OPTC: variants seen among roughly 807,000 people sequenced by gnomAD.
OPTC encodes oculoglycan.
A neutral mutation model predicts 25.4 loss-of-function variants in OPTC; 22 were observed. The ratio of observed to expected loss-of-function variants is 0.87; its 90% CI spans 0.62 to 1.24. OPTC has a LOEUF of 1.24. Ranked by LOEUF, OPTC falls within the 50% of genes most tolerant of loss-of-function variation. OPTC has a pLI of 0.00. For missense variants in OPTC, 417 were observed against 425.2 expected (o/e 0.98, Z 0.17); for synonymous variants, 169 against 179.3 (o/e 0.94, Z 0.46).
intron 7 of OPTC, among the ~76,000 whole-genome samples, chr1:203,506,075 T>C (rs1204070794): frequency 6.6e-6 from 1 of 152,020 alleles, no homozygotes; most frequent in Non-Finnish European, 1.5e-5. Context: ...TGACAAGGCC[T>C]AGGCATGCAA....
In OPTC at chr1:203,499,673, C is replaced by T. The variant is rs747136622; in HGVS notation, c.554C>T (p.Ser185Phe). ...GLTKLKRIDLSNNLISSIDND... is the reference protein window; with the variant it reads ...GLTKLKRIDLFNNLISSIDND... ...GCAAAGTTGAAGAGGATTGACCTCT[C>T]CAACAACCTCATTTCCTCCATCGAT... Residue 185 changes from serine to phenylalanine, a missense_variant, in exon 5 of 8, where the codon TCC becomes TTC. Ser to Phe is a radical substitution (Grantham distance 155). Transcript: ENST00000367222. 24 of 1,613,488 alleles carry T rather than the reference C, an allele frequency of 1.5e-5. No homozygotes were observed. The highest frequency in any genetic ancestry group is 2.2e-5 in the South Asian group (2 of 91,068).
At chr1:203,499,929 C>G in intron 5 of OPTC, 78 bp downstream of exon 5, 1 of 1,186,056 alleles carries the variant, frequency 8.4e-7, no homozygotes, top group East Asian at 2.3e-5. Flanking sequence ...CCACCTACCT[C>G]CACCACTCAC....
In OPTC at chr1:203,497,011, T is replaced by C. The variant is rs756225137; in HGVS notation, c.266T>C (p.Ile89Thr). Residue 89 changes from isoleucine (I) to threonine (T), a missense_variant, in exon 3 of 8, where the codon ATC becomes ACC. Physicochemically the swap from Ile to Thr is moderately conservative, Grantham distance 89. Transcript: ENST00000367222. ...KVTSLAPATSISPAKSTTAPG... is the reference protein window; with the variant it reads ...KVTSLAPATSTSPAKSTTAPG... ...ACTAGCCTCGCTCCTGCAACCAGCA[T>C]CAGTCCCGCCAAGAGCACTACGGCT... 4 of 1,614,046 alleles carry C rather than the reference T, an allele frequency of 2.5e-6. No homozygotes were observed. In the South Asian group the frequency reaches 4.4e-5, roughly 18 times the overall value.
intron 1 of OPTC, among the ~76,000 whole-genome samples, chr1:203,495,183 TG>T (rs554285821): frequency 3.0e-4 from 45 of 152,198 alleles, no homozygotes; most frequent in African/African-American, 1.0e-3. Flanking sequence ...CACCCATAAA[TG>T]TTTGTTGAGC....
chr1:203,505,187 C>T (rs546053225), intron 7 of OPTC, among the ~76,000 whole-genome samples: 8 of 152,270 alleles, frequency 5.3e-5, no homozygotes, highest in South Asian at 2.1e-4. Flanking sequence ...TAAGATGGTA[C>T]GCAACAGAAA....
At position 203,497,116 on chromosome 1, in the gene OPTC, G is replaced by A. The variant is rs143593924; in HGVS notation, c.370+1G>A. On this transcript the variant is annotated splice_donor_variant, in intron 3 of 7. Coordinates refer to ENST00000367222, the MANE Select transcript of OPTC (RefSeq NM_014359.4). LOFTEE classifies it high-confidence loss of function. ...CTACTGAGTTCCCAGCCCAACCATG[G>A]TAAGTGCACAGTCACATGGTCGCAA... is the stretch of plus-strand genomic sequence containing the variant. 1 of 1,613,868 alleles carries A rather than the reference G, an allele frequency of 6.2e-7. No individual in the cohort carries two copies. Among genetic ancestry groups the A allele is most frequent in the African/African-American group, 1.3e-5 (1 of 74,876 alleles).
At chr1:203,499,920 C>G in intron 5 of OPTC, 69 bp downstream of exon 5, 1 of 1,256,268 alleles carries the variant, frequency 8.0e-7, no homozygotes, top group Non-Finnish European at 1.1e-6. Flanking sequence ...CCACCTCCAC[C>G]ACCTACCTCC....
At chr1:203,497,241 A>G in intron 3 of OPTC, 126 bp downstream of exon 3, 1 of 955,458 alleles carries the variant, frequency 1.0e-6, no homozygotes, top group Admixed American at 2.0e-5. Context: ...GGCTACCCTT[A>G]CTAGCAGGGA....
In OPTC at chr1:203,498,731, G is replaced by A. The variant is rs779546963; in HGVS notation, c.421G>A (p.Asp141Asn). The part of the protein sequence containing the change: ...CVCLGSSVYC[D>N]DIDLEDIPPL... ...GTGCCTCGGTTCCTCTGTGTATTGCGATGACATTGACCTAGAGGACATTCC... is the reference window on the plus strand; with the variant it reads ...GTGCCTCGGTTCCTCTGTGTATTGCAATGACATTGACCTAGAGGACATTCC... Residue 141 changes from aspartate (D) to asparagine (N), a missense_variant, in exon 4 of 8, where the codon GAT becomes AAT. Physicochemically the swap from Asp to Asn is conservative, Grantham distance 23. Transcript: ENST00000367222. 1.1e-5 allele frequency: 18 copies of A among 1,614,172 alleles called. No individual in the cohort carries two copies. Among genetic ancestry groups the A allele is most frequent in the East Asian group, 2.2e-5 (1 of 44,884 alleles).
chr1:203,498,731 G>C lies in OPTC; in HGVS notation c.421G>C (p.Asp141His). The C allele has an allele frequency of 6.2e-7, 1 of 1,614,172 alleles. No individual in the cohort carries two copies. The highest frequency in any genetic ancestry group is 8.5e-7 in the Non-Finnish European group (1 of 1,180,032). The stretch of plus-strand genomic sequence containing the variant: ...GTGCCTCGGTTCCTCTGTGTATTGC[G>C]ATGACATTGACCTAGAGGACATTCC... ...CVCLGSSVYC[D>H]DIDLEDIPPL... The change falls in exon 4 of 8, where the codon GAT (aspartate) becomes CAT (histidine). Residue 141 changes from aspartate (D) to histidine (H), a missense_variant. Coordinates refer to ENST00000367222, the MANE Select transcript of OPTC (RefSeq NM_014359.4).
chr1:203,496,950 A>T (rs1186572006), intron 2 of OPTC, 27 bp from the exon 3 acceptor site: 1 of 1,613,888 alleles, frequency 6.2e-7, no homozygotes. Context: ...AAGCTGGGCT[A>T]CTGTGTACTC....
At chr1:203,495,026 T>C (rs1452029393) in intron 1 of OPTC, among the ~76,000 whole-genome samples, 1 of 152,230 alleles carries the variant, frequency 6.6e-6, no homozygotes. Flanking sequence ...CATTTAGAAG[T>C]ATATTTCATA....
At position 203,496,075 on chromosome 1, in the gene OPTC, A is replaced by G. The variant is rs770104020; in HGVS notation, c.70A>G (p.Arg24Gly). Residue 24 changes from arginine to glycine, a missense_variant, in exon 2 of 8, where the codon AGG (arginine) becomes GGG (glycine). By Grantham distance (125) the Arg-to-Gly change is moderately radical. Transcript: ENST00000367222. ...GGAGACAGGGACAGCTTCTCTCCCA[A>G]GGAAGGAGAGGAAGAGGAGAGAGGA... ...LQETGTASLPRKERKRREEQM... is the reference protein window; with the variant it reads ...LQETGTASLPGKERKRREEQM... 1 of 1,614,030 alleles carries G rather than the reference A, an allele frequency of 6.2e-7. No homozygotes were observed. Among genetic ancestry groups the G allele is most frequent in the Non-Finnish European group, 8.5e-7 (1 of 1,179,956 alleles).
At chr1:203,504,056 G>T (rs1169353037) in intron 7 of OPTC, among the ~76,000 whole-genome samples, 1 of 152,196 alleles carries the variant, frequency 6.6e-6, no homozygotes, top group East Asian at 1.9e-4. Context: ...CAAGAAAGCT[G>T]TGGGAGAGGA....
chr1:203,505,608 G>A (rs1661468080), intron 7 of OPTC, among the ~76,000 whole-genome samples: 1 of 152,238 alleles, frequency 6.6e-6, no homozygotes, highest in African/African-American at 2.4e-5. Context: ...TTCAGATGGA[G>A]AGATGGAGAA....
intron 3 of OPTC, among the ~76,000 whole-genome samples, chr1:203,497,372 C>T (rs766152417): frequency 4.6e-5 from 7 of 152,206 alleles, no homozygotes; most frequent in Non-Finnish European, 7.3e-5. Context: ...TGCAAGAACT[C>T]CCTTATGCCC....
At chr1:203,506,651 A>C (rs891761148) in intron 7 of OPTC, among the ~76,000 whole-genome samples, 2 of 152,116 alleles carry the variant, frequency 1.3e-5, no homozygotes, top group Non-Finnish European at 2.9e-5. Context: ...CCAGACCTAT[A>C]ATAGAAGCTT....
At chr1:203,494,689 T>G (rs563957341) in intron 1 of OPTC, among the ~76,000 whole-genome samples, 1 of 152,000 alleles carries the variant, frequency 6.6e-6, no homozygotes, top group Admixed American at 6.6e-5. Flanking sequence ...AAAAAAAATT[T>G]TAAAAGAAAG....
At position 203,497,121 on chromosome 1, in the gene OPTC, T is replaced by C; in HGVS notation, c.370+6T>C. The C allele has an allele frequency of 6.2e-7, 1 of 1,613,826 alleles. No homozygotes were observed. The highest frequency in any genetic ancestry group is 2.2e-5 in the East Asian group (1 of 44,874). ...GAGTTCCCAGCCCAACCATGGTAAG[T>C]GCACAGTCACATGGTCGCAATATCC... is the stretch of plus-strand genomic sequence containing the variant. On this transcript the variant is annotated splice_donor_region_variant and intron_variant, in intron 3 of 7. Transcript: ENST00000367222.
Sources: allele counts gnomAD v4.1 joint callset (sites outside exome capture counted in the v4.1 genomes callset), GRCh38; gene constraint gnomAD v4.1.1; transcripts MANE v1.5; gene names NCBI Gene and HGNC (gene_info 2026-07-23, HGNC 2026-07-21).